KDM5B: variants seen among roughly 807,000 people sequenced by gnomAD.
KDM5B encodes the protein lysine-specific demethylase 5B.
A neutral mutation model predicts 193.4 loss-of-function variants in KDM5B; 144 were observed. That is an observed-to-expected ratio of 0.74 (90% CI 0.65 to 0.86). The LOEUF (loss-of-function observed/expected upper bound fraction) is 0.86. Ranked by LOEUF, KDM5B falls within the 40% of genes least tolerant of loss-of-function variation. KDM5B has a pLI of 0.00. For missense variants in KDM5B, 1,833 were observed against 1,886.9 expected (o/e 0.97, Z 0.53); for synonymous variants, 668 against 682.6 (o/e 0.98, Z 0.33).
chr1:202,772,101 T>C (rs116096975), intron 4 of KDM5B, among the ~76,000 whole-genome samples: 3,503 of 152,240 alleles, frequency 0.023, 142 homozygotes, highest in African/African-American at 0.079. Flanking sequence ...CTTTGGTTAG[T>C]GATTTACCCC....
intron 22 of KDM5B, among the ~76,000 whole-genome samples, chr1:202,734,867 C>T (rs1655037207): frequency 1.3e-5 from 2 of 152,222 alleles, no homozygotes; most frequent in South Asian, 4.1e-4. Flanking sequence ...GGTATACATT[C>T]CCACTCTAGA....
intron 20 of KDM5B, among the ~76,000 whole-genome samples, chr1:202,740,336 G>GGGGT (rs1558484110): frequency 7.5e-6 from 1 of 134,126 alleles, no homozygotes; most frequent in African/African-American, 2.6e-5. Context: ...CCTCCCGGAC[G>GGGGT]GGGTGGCCGG....
chr1:202,779,840 T>C (rs972515346), intron 1 of KDM5B, among the ~76,000 whole-genome samples: 4 of 123,642 alleles, frequency 3.2e-5, no homozygotes, highest in Admixed American at 1.7e-4. Flanking sequence ...AATAAATAAA[T>C]AAATAAAAAA....
At chr1:202,732,041 GGAA>G in intron 23 of KDM5B, 102 bp from the exon 24 acceptor site, 4 of 548,164 alleles carry the variant, frequency 7.3e-6, no homozygotes, top group Non-Finnish European at 9.2e-6. Context: ...GGCAACCAGG[GGAA>G]AAAAAAAAAA....
intron 12 of KDM5B, 151 bp downstream of exon 12, chr1:202,752,754 G>T: frequency 1.5e-6 from 1 of 677,766 alleles, no homozygotes. Flanking sequence ...CTGAGTAAAT[G>T]TACAGTACTG....
At chr1:202,774,496 G>T in intron 3 of KDM5B, 117 bp downstream of exon 3, 1 of 869,474 alleles carries the variant, frequency 1.2e-6, no homozygotes, top group Non-Finnish European at 1.8e-6. Context: ...CCAAAGTGCT[G>T]AGATTACAGG....
At chr1:202,765,965 G>A (rs1423653449) in intron 5 of KDM5B, among the ~76,000 whole-genome samples, 1 of 152,194 alleles carries the variant, frequency 6.6e-6, no homozygotes, top group East Asian at 1.9e-4. Flanking sequence ...TCCTTTCCCA[G>A]GGAAAGCTTC....
At chr1:202,794,037 T>TA (rs1167937521) in intron 1 of KDM5B, among the ~76,000 whole-genome samples, 1 of 152,200 alleles carries the variant, frequency 6.6e-6, no homozygotes, top group Non-Finnish European at 1.5e-5. Context: ...GGCAAAAGTC[T>TA]AAAGACCTGG....
Position 202,724,960 on chromosome 1 carries a change from A to T in KDM5B, c.*4076T>A, listed in dbSNP as rs1303984230. ...TGTTTCCTCAGAAAGGCAACTTTTT[A>T]ATTTCTCAATTTTCCCATCCAAGGG... On this transcript the variant is annotated 3_prime_UTR_variant, in exon 27 of 27. Coordinates refer to ENST00000367265, the MANE Select transcript of KDM5B (RefSeq NM_006618.5). 1 of 152,198 alleles carries T rather than the reference A, an allele frequency of 6.6e-6. No homozygotes were observed. The highest frequency in any genetic ancestry group is 1.5e-5 in the Non-Finnish European group (1 of 68,036). 9.4% of individuals were successfully genotyped at this position (152,198 alleles called of 1,614,324 possible).
Position 202,728,901 on chromosome 1 carries a change from C to A in KDM5B, c.*135G>T. 3.1e-6 allele frequency: 3 copies of A among 967,710 alleles called. No individual in the cohort carries two copies. The highest frequency in any genetic ancestry group is 4.6e-5 in the Admixed American group (2 of 43,346). The allele number at this position is 967,710 out of a possible 1,614,324, so 59.9% of individuals were successfully genotyped here. A position where few individuals can be genotyped will look rare whatever the true frequency, so the allele number is the denominator to read the frequency against. The stretch of plus-strand genomic sequence containing the variant: ...CTTCAAAGAGTCCTGGAAAAATGAT[C>A]CCATAAGGAATAGAAATAGCACCGT... On this transcript the variant is annotated 3_prime_UTR_variant, in exon 27 of 27. Transcript: ENST00000367265.
intron 20 of KDM5B, among the ~76,000 whole-genome samples, chr1:202,737,568 A>C (rs986183088): frequency 1.3e-5 from 2 of 152,222 alleles, no homozygotes; most frequent in African/African-American, 2.4e-5. Context: ...TGCAATATAG[A>C]ATATACAGTA....
At chr1:202,747,671 G>A (rs1655615951) in intron 14 of KDM5B, among the ~76,000 whole-genome samples, 1 of 151,694 alleles carries the variant, frequency 6.6e-6, no homozygotes, top group Non-Finnish European at 1.5e-5. Flanking sequence ...CAAGGTCTCA[G>A]GAGACAAGGT....
At chr1:202,789,491 G>A (rs563899061) in intron 1 of KDM5B, among the ~76,000 whole-genome samples, 35 of 147,598 alleles carry the variant, frequency 2.4e-4, no homozygotes, top group Non-Finnish European at 3.6e-4. Flanking sequence ...GAACTGAGAT[G>A]GCGCCACTGA....
At chr1:202,769,764 T>A (rs573236552) in intron 4 of KDM5B, among the ~76,000 whole-genome samples, 1 of 151,388 alleles carries the variant, frequency 6.6e-6, no homozygotes, top group Admixed American at 6.6e-5. Flanking sequence ...AAAATTTGTA[T>A]AGAACATTGC....
intron 1 of KDM5B, chr1:202,807,418 C>T (rs1658344408): frequency 6.6e-6 from 1 of 151,640 alleles, no homozygotes; most frequent in Admixed American, 6.5e-5. Flanking sequence ...GGGGCTGGAC[C>T]CGCGGCTCCT....
chr1:202,740,823 C>A lies in KDM5B; in HGVS notation c.2946-11G>T. 6.3e-7 allele frequency: 1 copy of A among 1,599,714 alleles called. No individual in the cohort carries two copies. The highest frequency in any genetic ancestry group is 8.5e-7 in the Non-Finnish European group (1 of 1,171,536). On this transcript the variant is annotated splice_polypyrimidine_tract_variant and intron_variant, in intron 19 of 26. Coordinates refer to ENST00000367265, the MANE Select transcript of KDM5B (RefSeq NM_006618.5). ...AATGAATGTCGTGGCCTACAAAATG[C>A]AAACAAAGACTTCTTAGCATTTTAT...
chr1:202,760,338 TA>T, intron 8 of KDM5B, 76 bp downstream of exon 8: 1 of 985,126 alleles, frequency 1.0e-6, no homozygotes, highest in Non-Finnish European at 1.5e-6. Flanking sequence ...TAAAATAAAA[TA>T]AAAAATAAAA....
At chr1:202,762,891 C>A (rs986181921) in intron 6 of KDM5B, 83 bp from the exon 7 acceptor site, 13 of 751,960 alleles carry the variant, frequency 1.7e-5, no homozygotes, top group Non-Finnish European at 2.6e-5. Flanking sequence ...ACATACTGTA[C>A]ACAAACATAA....
chr1:202,753,420 A>G (rs1378356021), intron 11 of KDM5B, among the ~76,000 whole-genome samples: 2 of 152,094 alleles, frequency 1.3e-5, no homozygotes, highest in African/African-American at 4.8e-5. Context: ...ACTTGACCCC[A>G]GGAGGTGGAG....
Sources: allele counts gnomAD v4.1 joint callset (sites outside exome capture counted in the v4.1 genomes callset), GRCh38; gene constraint gnomAD v4.1.1; transcripts MANE v1.5; gene names NCBI Gene and HGNC (gene_info 2026-07-23, HGNC 2026-07-21).